FRMPD4: variants seen among roughly 807,000 people sequenced by gnomAD.
FRMPD4 encodes FERM and PDZ domain containing 4.
FRMPD4 carries 22 observed loss-of-function variants against 94.1 expected under a neutral mutation model. That is an observed-to-expected ratio of 0.23 (90% CI 0.17 to 0.33). The LOEUF is 0.33. FRMPD4 is among the 10% of genes least tolerant of loss of function. The pLI, the probability that FRMPD4 is intolerant of heterozygous loss-of-function variation, is 1.00. For missense variants in FRMPD4, 1,111 were observed against 1,339.9 expected, an observed-to-expected ratio of 0.83 and a Z score of 2.67; for synonymous variants, 631 against 548.6, an observed-to-expected ratio of 1.15 and a Z score of -2.10.
chrX:12,287,805 T>C (rs1467124320), intron 1 of FRMPD4, among the ~76,000 whole-genome samples: 1 of 112,062 alleles, frequency 8.9e-6, no homozygotes, highest in Non-Finnish European at 1.9e-5. Flanking sequence ...ATGATAAATA[T>C]TGCATTATTT....
chrX:12,423,552 C>T (rs2056911116), intron 1 of FRMPD4, among the ~76,000 whole-genome samples: 1 of 111,472 alleles, frequency 9.0e-6, no homozygotes, highest in African/African-American at 3.3e-5. Context: ...TTATTGTTGC[C>T]CAAGTGAGGG....
chrX:12,472,112 G>A (rs1392618849), intron 1 of FRMPD4, among the ~76,000 whole-genome samples: 3 of 112,062 alleles, frequency 2.7e-5, no homozygotes, highest in African/African-American at 9.7e-5. Flanking sequence ...ATATTGTATA[G>A]ATCAACATCA....
chrX:12,482,969 T>C (rs2057703674), intron 1 of FRMPD4, among the ~76,000 whole-genome samples: 1 of 111,796 alleles, frequency 8.9e-6, no homozygotes, highest in African/African-American at 3.3e-5. Context: ...ACCAGAATAA[T>C]AAGTTGTTAG....
intron 1 of FRMPD4, among the ~76,000 whole-genome samples, chrX:12,277,977 T>C (rs2054466529): frequency 8.9e-6 from 1 of 112,257 alleles, no homozygotes; most frequent in African/African-American, 3.2e-5. Context: ...CTCACCTATG[T>C]CCCATCCAGC....
At chrX:11,898,525 A>G (rs751681470) in intron 3 of FRMPD4, among the ~76,000 whole-genome samples, 1 of 111,973 alleles carries the variant, frequency 8.9e-6, no homozygotes, top group East Asian at 2.8e-4. Flanking sequence ...TGCTCCATCA[A>G]TAATCCAGGT....
chrX:11,971,129 A>G (rs1229558024), intron 3 of FRMPD4, among the ~76,000 whole-genome samples: 1 of 111,885 alleles, frequency 8.9e-6, no homozygotes, highest in East Asian at 2.8e-4. Context: ...GAAATATGTG[A>G]GTCACTGAAT....
intron 4 of FRMPD4, among the ~76,000 whole-genome samples, chrX:12,637,473 C>A (rs1165154839): frequency 9.0e-6 from 1 of 111,582 alleles, no homozygotes; most frequent in East Asian, 2.8e-4. Flanking sequence ...AGTTCAAGAC[C>A]AGCCTAGGCA....
intron 3 of FRMPD4, among the ~76,000 whole-genome samples, chrX:12,010,032 G>T (rs981799622): frequency 9.0e-6 from 1 of 111,337 alleles, no homozygotes; most frequent in Non-Finnish European, 1.9e-5. Context: ...TGTTTATTTT[G>T]GGTTCCATTG....
chrX:12,457,811 T>C (rs1049482766), intron 1 of FRMPD4, among the ~76,000 whole-genome samples: 2 of 112,017 alleles, frequency 1.8e-5, no homozygotes, highest in African/African-American at 3.2e-5. Flanking sequence ...ACCATCACCG[T>C]CTCTCTTAAT....
At chrX:12,051,897 G>A (rs1172174052) in intron 3 of FRMPD4, among the ~76,000 whole-genome samples, 1 of 111,500 alleles carries the variant, frequency 9.0e-6, no homozygotes, top group African/African-American at 3.3e-5. Context: ...TCACATAACC[G>A]TATGGGTAGA....
At chrX:11,836,342 A>G (rs1331193294) in intron 1 of FRMPD4, among the ~76,000 whole-genome samples, 1 of 111,798 alleles carries the variant, frequency 8.9e-6, no homozygotes, top group African/African-American at 3.2e-5. Flanking sequence ...GACTACTGAG[A>G]TTTTTCCTTG....
At chrX:12,715,999 C>CGGGGG in intron 14 of FRMPD4, 70 bp from the exon 15 acceptor site, 4 of 337,361 alleles carry the variant, frequency 1.2e-5, no homozygotes, top group East Asian at 9.4e-5. Flanking sequence ...CAGAGACGAG[C>CGGGGG]CTCCCACCCC....
intron 4 of FRMPD4, among the ~76,000 whole-genome samples, chrX:12,660,798 G>GGCTGCAGTTCAATGGCA (rs2059705796): frequency 8.9e-6 from 1 of 112,021 alleles, no homozygotes; most frequent in Non-Finnish European, 1.9e-5. Context: ...TCTGTCTTGT[G>GGCTGCAGTTCAATGGCA]GCTGCAGTTC....
At chrX:12,165,307 A>C (rs1186453509) in intron 1 of FRMPD4, among the ~76,000 whole-genome samples, 11 of 112,435 alleles carry the variant, frequency 9.8e-5, no homozygotes, top group Admixed American at 7.5e-4. Flanking sequence ...TAAATAGGGA[A>C]TCCTTTCCCC....
chrX:12,382,530 G>GAGCATAGCATAGCAT (rs59601417), intron 1 of FRMPD4, among the ~76,000 whole-genome samples: 1,030 of 45,479 alleles, frequency 0.023, 55 homozygotes, highest in Admixed American at 0.14. Flanking sequence ...GCATAGCATA[G>GAGCATAGCATAGCAT]AGCATAGCAT....
intron 3 of FRMPD4, among the ~76,000 whole-genome samples, chrX:11,924,403 G>A (rs150393004): frequency 0.01 from 1,166 of 111,726 alleles, 22 homozygotes; most frequent in African/African-American, 0.036. Context: ...AGGAAATGCA[G>A]AGAACCCCAG....
At chrX:11,823,838 C>T (rs6640784) in intron 1 of FRMPD4, among the ~76,000 whole-genome samples, 14,656 of 111,085 alleles carry the variant, frequency 0.13, 1,197 homozygotes, top group African/African-American at 0.29. Context: ...CATATAAAAA[C>T]GGGCGGCAAC....
At chrX:12,128,501 G>A (rs775090671) in intron 3 of FRMPD4, among the ~76,000 whole-genome samples, 17 of 112,067 alleles carry the variant, frequency 1.5e-4, no homozygotes, top group Non-Finnish European at 3.0e-4. Flanking sequence ...TAGGCCTTTG[G>A]ACCTATCATG....
At chrX:12,503,178 G>C (rs2057942877) in intron 2 of FRMPD4, among the ~76,000 whole-genome samples, 1 of 111,859 alleles carries the variant, frequency 8.9e-6, no homozygotes, top group Non-Finnish European at 1.9e-5. Context: ...AGATTATTAT[G>C]ATGAGCCAAG....
Sources: gnomAD v4.1 joint callset for allele counts (sites outside exome capture counted in the v4.1 genomes callset) on GRCh38, gnomAD v4.1.1 for gene constraint, MANE v1.5 for transcripts, NCBI Gene and HGNC (gene_info 2026-07-23, HGNC 2026-07-21) for gene names.